The following PXDNL variants were observed in gnomAD, a reference collection of about 807,000 sequenced individuals.
The protein encoded by PXDNL is probable oxidoreductase PXDNL.
In PXDNL, 145 loss-of-function variants were observed where a neutral mutation model predicts 150.8. The ratio of observed to expected loss-of-function variants is 0.96; its 90% CI spans 0.84 to 1.10. The LOEUF (loss-of-function observed/expected upper bound fraction) is 1.10. Ranked by LOEUF, PXDNL falls within the 50% of genes least tolerant of loss-of-function variation. The probability of loss-of-function intolerance (pLI) is 0.00; values close to 1 mark genes in which losing one functional copy is unlikely to be tolerated. For missense variants in PXDNL, 2,087 were observed against 1,873.9 expected (o/e 1.11, Z -2.10); for synonymous variants, 757 against 725.7 (o/e 1.04, Z -0.69).
chr8:51,409,521 G>C lies in PXDNL; in HGVS notation c.2103C>G (p.Ser701Arg). 2.5e-6 allele frequency: 4 copies of C among 1,607,432 alleles called. No homozygotes were observed. Among genetic ancestry groups the C allele is most frequent in the Non-Finnish European group, 3.4e-6 (4 of 1,177,550 alleles). Residue 701 changes from serine to arginine, a missense_variant, in exon 17 of 23, where the codon AGC becomes AGG. Coordinates refer to ENST00000356297, the MANE Select transcript of PXDNL (RefSeq NM_144651.5). ...YNDLVSPRSL[S>R]LIANLSGCTA... ...TGCATCCAGATAAATTGGCGATGAG[G>C]CTGAGGGAGCGCGGGGACACCAAGT...
At chr8:51,425,490 G>A (rs1809067098) in intron 13 of PXDNL, among the ~76,000 whole-genome samples, 1 of 152,070 alleles carries the variant, frequency 6.6e-6, no homozygotes, top group African/African-American at 2.4e-5. Flanking sequence ...TCTATTTTTA[G>A]CATAAAAATA....
intron 18 of PXDNL, among the ~76,000 whole-genome samples, chr8:51,374,233 T>C (rs544540981): frequency 6.6e-6 from 1 of 152,190 alleles, no homozygotes; most frequent in Non-Finnish European, 1.5e-5. Flanking sequence ...GGTACAATTG[T>C]TACTCACACT....
intron 3 of PXDNL, among the ~76,000 whole-genome samples, chr8:51,560,171 A>C (rs1812690926): frequency 1.3e-5 from 2 of 152,046 alleles, no homozygotes; most frequent in Non-Finnish European, 2.9e-5. Context: ...AGAGAATGTG[A>C]ATGAATTGAA....
At chr8:51,482,620 G>T (rs1344206157) in intron 6 of PXDNL, among the ~76,000 whole-genome samples, 1 of 152,082 alleles carries the variant, frequency 6.6e-6, no homozygotes, top group Non-Finnish European at 1.5e-5. Flanking sequence ...GTGTCAAGGG[G>T]ACTAAATCAT....
At chr8:51,725,395 T>A (rs543269146) in intron 1 of PXDNL, among the ~76,000 whole-genome samples, 158 of 152,342 alleles carry the variant, frequency 1.0e-3, no homozygotes, top group African/African-American at 3.4e-3. Flanking sequence ...TGAAGAAATC[T>A]GAGTAAACTG....
At chr8:51,801,292 G>A (rs1402530423) in intron 1 of PXDNL, among the ~76,000 whole-genome samples, 1 of 151,814 alleles carries the variant, frequency 6.6e-6, no homozygotes, top group Non-Finnish European at 1.5e-5. Context: ...TTTGAGGTCA[G>A]ACCAGTTCTC....
intron 1 of PXDNL, among the ~76,000 whole-genome samples, chr8:51,696,808 C>CAT (rs1816150079): frequency 1.4e-4 from 3 of 21,234 alleles, no homozygotes; most frequent in Admixed American, 6.8e-4. Context: ...TAGGTCTTCA[C>CAT]ACACACACAC....
chr8:51,364,109 A>G (rs921182166), intron 19 of PXDNL, among the ~76,000 whole-genome samples: 1 of 152,226 alleles, frequency 6.6e-6, no homozygotes, highest in Admixed American at 6.5e-5. Context: ...TGTATCTTCC[A>G]CTAATAAACT....
Position 51,345,838 on chromosome 8 carries a change from T to C in PXDNL, c.4011A>G (p.Arg1337=). ...VDKDMELSHL[R]SRQQDKIYVG... is the part of the protein sequence containing the mutation. ...TGAGATATTTCTATACATACCTACT[T>C]CTTAGATGACTTAACTCCATATCCT... is the stretch of plus-strand genomic sequence containing the variant. Residue 1337 remains arginine, a synonymous_variant, in exon 20 of 23, where the codon AGA becomes AGG. Transcript: ENST00000356297. The C allele has an allele frequency of 6.3e-7, 1 of 1,593,204 alleles. No individual in the cohort carries two copies. Among genetic ancestry groups the C allele is most frequent in the Non-Finnish European group, 8.6e-7 (1 of 1,161,212 alleles).
chr8:51,423,397 T>C (rs894039864), intron 14 of PXDNL, among the ~76,000 whole-genome samples, 178 bp downstream of exon 14: 6 of 152,226 alleles, frequency 3.9e-5, no homozygotes, highest in African/African-American at 1.4e-4. Flanking sequence ...TCCTTTAAGA[T>C]TGTTTATATT....
At chr8:51,324,524 C>T (rs1387217670) in intron 21 of PXDNL, among the ~76,000 whole-genome samples, 1 of 152,078 alleles carries the variant, frequency 6.6e-6, no homozygotes, top group Non-Finnish European at 1.5e-5. Context: ...ATTGTCCTTC[C>T]CTTCTCTCTT....
chr8:51,797,072 C>A lies in PXDNL; in HGVS notation c.164+12109G>T, dbSNP rs980810250. On this transcript the variant is annotated intron_variant, in intron 1 of 22. Coordinates refer to ENST00000356297, the MANE Select transcript of PXDNL (RefSeq NM_144651.5). ...ACATAAGCAGAACTAAAGATAAAAA[C>A]CACATGATTATCTCAATAGACACAG... Among the ~76,000 whole-genome samples the A allele has an allele frequency of 2.6e-5, 4 of 152,250 alleles. 1 individual carries two copies. The highest frequency in any genetic ancestry group is 9.6e-5 in the African/African-American group (4 of 41,558).
chr8:51,368,643 A>T (rs1806992881), intron 19 of PXDNL, among the ~76,000 whole-genome samples: 1 of 152,170 alleles, frequency 6.6e-6, no homozygotes, highest in African/African-American at 2.4e-5. Flanking sequence ...GACTGCTTGG[A>T]GTGGCCATTT....
In PXDNL at chr8:51,342,727, G is replaced by A. The variant is rs116596834; in HGVS notation, c.4017-2974C>T. On this transcript the variant is annotated intron_variant, in intron 20 of 22. Coordinates refer to ENST00000356297, the MANE Select transcript of PXDNL (RefSeq NM_144651.5). Reference sequence around the variant, plus strand: ...CGCAGGCAGGAGTCGAAGTGCTAGCGTGCACTCTGTGTCACTTAACTGCCT... The same window carrying A: ...CGCAGGCAGGAGTCGAAGTGCTAGCATGCACTCTGTGTCACTTAACTGCCT... Among the ~76,000 whole-genome samples, 382 of 152,180 alleles carry A rather than the reference G, an allele frequency of 2.5e-3. 3 individuals are homozygous for A. The highest frequency in any genetic ancestry group is 8.6e-3 in the African/African-American group (355 of 41,510).
At chr8:51,779,226 T>A (rs1352455996) in intron 1 of PXDNL, among the ~76,000 whole-genome samples, 1 of 152,196 alleles carries the variant, frequency 6.6e-6, no homozygotes, top group Non-Finnish European at 1.5e-5. Context: ...AAACATGCCC[T>A]CCTCCCCTAT....
intron 1 of PXDNL, among the ~76,000 whole-genome samples, chr8:51,783,055 A>C (rs1418938849): frequency 1.3e-5 from 2 of 152,244 alleles, no homozygotes; most frequent in African/African-American, 4.8e-5. Context: ...AATTTGAGTT[A>C]AAATGTATTA....
At chr8:51,734,729 C>T (rs973775067) in intron 1 of PXDNL, among the ~76,000 whole-genome samples, 1 of 152,130 alleles carries the variant, frequency 6.6e-6, no homozygotes, top group African/African-American at 2.4e-5. Context: ...CTCTTTAAAA[C>T]CTCCAAGGAA....
At chr8:51,534,322 G>A (rs1176697878) in intron 4 of PXDNL, among the ~76,000 whole-genome samples, 5 of 146,934 alleles carry the variant, frequency 3.4e-5, no homozygotes, top group Non-Finnish European at 7.4e-5. Flanking sequence ...GAGCGTCTAC[G>A]CCCGGCAGCC....
intron 14 of PXDNL, among the ~76,000 whole-genome samples, chr8:51,421,596 G>T (rs1808954879): frequency 6.6e-6 from 1 of 152,126 alleles, no homozygotes; most frequent in Non-Finnish European, 1.5e-5. Flanking sequence ...CAACTCGGGA[G>T]GCTGGGGCAG....
Sources: gnomAD v4.1 joint callset for allele counts (sites outside exome capture counted in the v4.1 genomes callset) on GRCh38, gnomAD v4.1.1 for gene constraint, MANE v1.5 for transcripts, NCBI Gene and HGNC (gene_info 2026-07-23, HGNC 2026-07-21) for gene names.